BMP7: variants seen among roughly 807,000 people sequenced by gnomAD.
The protein encoded by BMP7 is bone morphogenetic protein 7.
In BMP7, 12 loss-of-function variants were observed where a neutral mutation model predicts 41.2. The ratio of observed to expected loss-of-function variants is 0.29; its 90% CI spans 0.19 to 0.47. BMP7 has a LOEUF of 0.47. Among genes scored for constraint, BMP7 ranks in the 20% least tolerant of loss-of-function variants. The pLI, the probability that BMP7 is intolerant of heterozygous loss-of-function variation, is 0.99. For synonymous variants in BMP7, 248 were observed against 250.0 expected, an observed-to-expected ratio of 0.99 and a Z score of 0.07; for missense variants, 467 against 606.0, an observed-to-expected ratio of 0.77 and a Z score of 2.41.
At chr20:57,230,679 AC>A (rs1242875327) in intron 1 of BMP7, among the ~76,000 whole-genome samples, 1 of 115,034 alleles carries the variant, frequency 8.7e-6, no homozygotes, top group Non-Finnish European at 2.0e-5. Context: ...TGTTTGTAGA[AC>A]TTTTTTTTTT....
intron 4 of BMP7, among the ~76,000 whole-genome samples, chr20:57,180,298 C>T: frequency 6.7e-6 from 1 of 150,352 alleles, no homozygotes; most frequent in Admixed American, 6.6e-5. Context: ...TCACTCCCCT[C>T]CCCTGCTTCA....
At chr20:57,198,822 C>T (rs7267460) in intron 3 of BMP7, among the ~76,000 whole-genome samples, 1,632 of 152,230 alleles carry the variant, frequency 0.011, 26 homozygotes, top group African/African-American at 0.038. Context: ...GCGATGGCTG[C>T]GCCCCGCTAG....
chr20:57,251,238 C>A (rs2066112148), intron 1 of BMP7, among the ~76,000 whole-genome samples: 1 of 152,214 alleles, frequency 6.6e-6, no homozygotes, highest in Non-Finnish European at 1.5e-5. Context: ...AGGAGACAGG[C>A]ACCCACATTA....
At chr20:57,244,998 A>C (rs963116462) in intron 1 of BMP7, among the ~76,000 whole-genome samples, 1 of 152,250 alleles carries the variant, frequency 6.6e-6, no homozygotes, top group Non-Finnish European at 1.5e-5. Context: ...GAAGGAAAAG[A>C]TGGTTCTGCC....
chr20:57,225,129 G>T (rs1291341459), intron 2 of BMP7, among the ~76,000 whole-genome samples: 1 of 152,238 alleles, frequency 6.6e-6, no homozygotes, highest in Non-Finnish European at 1.5e-5. Flanking sequence ...GCTGAGGTCT[G>T]CAGGAGGCCT....
rs139945599 is a variant in BMP7 at position 57,209,826 on chromosome 20, G to A, written c.612-7203C>T. On this transcript the variant is annotated intron_variant, in intron 2 of 6. Coordinates refer to ENST00000395863, the MANE Select transcript of BMP7 (RefSeq NM_001719.3). ...TCCCTTTACAAGCTAACACATGTAC[G>A]TCAATATTGTCTCAATTTAGTAAGC... 2.4e-4 allele frequency among the ~76,000 whole-genome samples: 36 copies of A among 152,264 alleles called. 1 individual carries two copies. In the South Asian group the frequency reaches 4.1e-3, roughly 18 times the overall value.
chr20:57,266,010 T>A lies in BMP7; in HGVS notation c.113A>T (p.His38Leu). ...LADFSLDNEV[H>L]SSFIHRRLRS... ...GAGGCGCCGGTGGATGAAGCTCGAGTGCACCTCGTTGTCCAGGCTGAAGTC... is the reference window on the plus strand; with the variant it reads ...GAGGCGCCGGTGGATGAAGCTCGAGAGCACCTCGTTGTCCAGGCTGAAGTC... Residue 38 changes from histidine to leucine, a missense_variant, in exon 1 of 7, where the codon CAC (histidine) becomes CTC (leucine). By Grantham distance (99) the His-to-Leu change is moderately conservative. This residue lies in a region of BMP7 where 407 missense variants were observed against 485.9 expected (regional missense o/e 0.84). Coordinates refer to ENST00000395863, the MANE Select transcript of BMP7 (RefSeq NM_001719.3). The A allele has an allele frequency of 6.5e-7, 1 of 1,548,916 alleles. No homozygotes were observed. Among genetic ancestry groups the A allele is most frequent in the Non-Finnish European group, 8.7e-7 (1 of 1,146,906 alleles).
intron 3 of BMP7, among the ~76,000 whole-genome samples, chr20:57,195,842 A>T (rs1984479230): frequency 6.6e-6 from 1 of 152,214 alleles, no homozygotes; most frequent in Non-Finnish European, 1.5e-5. Flanking sequence ...CTGCATGCAG[A>T]TAGCCAAAAT....
intron 1 of BMP7, among the ~76,000 whole-genome samples, chr20:57,249,658 C>T (rs2066104431): frequency 1.3e-5 from 2 of 152,154 alleles, no homozygotes. Context: ...GATATGAGGG[C>T]TGTATTTAGT....
intron 4 of BMP7, among the ~76,000 whole-genome samples, chr20:57,180,407 G>A (rs1217155647): frequency 1.3e-5 from 2 of 151,878 alleles, no homozygotes; most frequent in African/African-American, 4.8e-5. Flanking sequence ...ATCCTCTCCG[G>A]ACCAGCCTGG....
chr20:57,177,531 A>G (rs551134561), intron 4 of BMP7, among the ~76,000 whole-genome samples: 6 of 152,270 alleles, frequency 3.9e-5, no homozygotes, highest in African/African-American at 1.4e-4. Flanking sequence ...TATTTTTAGT[A>G]GAGACGGGGT....
At chr20:57,238,934 A>G (rs1256571897) in intron 1 of BMP7, among the ~76,000 whole-genome samples, 5 of 152,080 alleles carry the variant, frequency 3.3e-5, no homozygotes, top group Non-Finnish European at 7.4e-5. Flanking sequence ...TCCCTCCCAC[A>G]ACACATGGGC....
intron 2 of BMP7, among the ~76,000 whole-genome samples, chr20:57,222,695 C>T (rs954867268): frequency 6.6e-5 from 10 of 152,118 alleles, no homozygotes; most frequent in African/African-American, 2.4e-4. Flanking sequence ...AAAGGCTACT[C>T]AGGAAGCTGA....
intron 3 of BMP7, among the ~76,000 whole-genome samples, chr20:57,194,447 G>A (rs1050419803): frequency 6.6e-6 from 1 of 152,102 alleles, no homozygotes; most frequent in African/African-American, 2.4e-5. Context: ...AACGCCTGAC[G>A]CTCAAAGCCT....
intron 1 of BMP7, among the ~76,000 whole-genome samples, chr20:57,235,224 C>T (rs950129758): frequency 1.3e-5 from 2 of 152,218 alleles, no homozygotes; most frequent in Admixed American, 1.3e-4. Flanking sequence ...AGAACCCTAT[C>T]GTATGAATAG....
At chr20:57,193,194 C>T (rs186509810) in intron 3 of BMP7, among the ~76,000 whole-genome samples, 13 of 152,330 alleles carry the variant, frequency 8.5e-5, no homozygotes, top group Non-Finnish European at 1.5e-4. Context: ...ACGCCGGTAC[C>T]CAGCTTCAAT....
chr20:57,197,278 C>T (rs905412999), intron 3 of BMP7, among the ~76,000 whole-genome samples: 3 of 151,772 alleles, frequency 2.0e-5, no homozygotes, highest in Non-Finnish European at 2.9e-5. Flanking sequence ...GCAAAGGGGG[C>T]TCCCACAGTG....
chr20:57,265,768 C>T lies in BMP7; in HGVS notation c.355G>A (p.Ala119Thr), dbSNP rs1272784606. The change falls in exon 1 of 7, where the codon GCC becomes ACC. Residue 119 changes from alanine (A) to threonine (T), a missense_variant. Physicochemically the swap from Ala to Thr is moderately conservative, Grantham distance 58 (BLOSUM62 0). This residue lies in a region of BMP7 where 407 missense variants were observed against 485.9 expected (regional missense o/e 0.84). Transcript: ENST00000395863. Reference sequence around the variant, plus strand: ...AGGAAATGGCTATCTTGCAGGCTGGCCAGAGGGGGGCCCTGGGTACTGAAG... The same window carrying T: ...AGGAAATGGCTATCTTGCAGGCTGGTCAGAGGGGGGCCCTGGGTACTGAAG... ...AVFSTQGPPLASLQDSHFLTD... is the reference protein window; with the variant it reads ...AVFSTQGPPLTSLQDSHFLTD... The T allele has an allele frequency of 6.2e-7, 1 of 1,610,900 alleles. No homozygotes were observed. Among genetic ancestry groups the T allele is most frequent in the Admixed American group, 1.7e-5 (1 of 59,766 alleles).
Position 57,235,835 on chromosome 20 carries a change from T to C in BMP7, c.419-7414A>G, listed in dbSNP as rs142948488. ...TCATCAACCATGATGGCTTGGTCCC[T>C]TGTTAGACACAAAGCAGTGCCCTGA... On this transcript the variant is annotated intron_variant, in intron 1 of 6. Coordinates refer to ENST00000395863, the MANE Select transcript of BMP7 (RefSeq NM_001719.3). Among the ~76,000 whole-genome samples the C allele has an allele frequency of 2.0e-5, 3 of 152,354 alleles. No individual in the cohort carries two copies. The East Asian group carries it at 5.8e-4, about 29-fold the overall frequency.
Sources: allele counts gnomAD v4.1 joint callset (sites outside exome capture counted in the v4.1 genomes callset), GRCh38; gene constraint gnomAD v4.1.1; regional missense constraint gnomAD v4.1.1; transcripts MANE v1.5; gene names NCBI Gene and HGNC (gene_info 2026-07-23, HGNC 2026-07-21).